Variants in TNRC6C observed in about 807,000 individuals in gnomAD.
TNRC6C encodes trinucleotide repeat-containing gene 6C protein.
In TNRC6C, 20 loss-of-function variants were observed where a neutral mutation model predicts 153.7. The observed-to-expected ratio is 0.13, with a 90% CI of 0.09 to 0.19. The LOEUF (loss-of-function observed/expected upper bound fraction) is 0.19, where lower values mean the gene tolerates loss of function less well. Among genes scored for constraint, TNRC6C ranks in the 10% least tolerant of loss-of-function variants. The pLI, the probability that TNRC6C is intolerant of heterozygous loss-of-function variation, is 1.00. For missense variants in TNRC6C, 1,987 were observed against 2,172.0 expected (o/e 0.91, Z 1.69); for synonymous variants, 811 against 841.4 (o/e 0.96, Z 0.63).
chr17:78,023,576 G>A lies in TNRC6C; in HGVS notation c.-545-7940G>A, dbSNP rs541998246. 6.6e-5 allele frequency among the ~76,000 whole-genome samples: 10 copies of A among 150,462 alleles called. No homozygotes were observed. In the South Asian group the frequency reaches 2.1e-3, roughly 32 times the overall value. On this transcript the variant is annotated intron_variant, in intron 1 of 19. Coordinates refer to ENST00000301624, the Ensembl canonical transcript of TNRC6C. ...ATCCCAGCACTTGAGAGGCTGAGGT[G>A]GATAGACTGCTTGAGTCCAGGGGTT...
At chr17:77,958,018 G>A (rs1416542423), upstream of TNRC6C, among the ~76,000 whole-genome samples, 1 of 152,134 alleles carries the variant, frequency 6.6e-6, no homozygotes, top group East Asian at 1.9e-4. Context: ...GCTCCCTGGG[G>A]AGCGACTGAG....
chr17:78,087,123 A>T (rs1375824931), intron 13 of TNRC6C, 30 bp downstream of exon 15: 5 of 1,607,864 alleles, frequency 3.1e-6, no homozygotes, highest in Non-Finnish European at 4.2e-6. Context: ...CAACAGCCAC[A>T]TCAGGTAGAG....
chr17:78,073,088 G>T, exon 7 of TNRC6C: 1 of 1,555,718 alleles, frequency 6.4e-7, no homozygotes. Flanking sequence ...TCTTGATCAG[G>T]CCATGAGTAA....
chr17:78,004,455 T>A (rs2071461839), upstream of TNRC6C, among the ~76,000 whole-genome samples: 1 of 152,204 alleles, frequency 6.6e-6, no homozygotes, highest in Admixed American at 6.5e-5. Context: ...ATGTCTAACT[T>A]GGAACTGGAA....
At chr17:77,981,546 A>G (rs1338161051) in intron 1 of TNRC6C, among the ~76,000 whole-genome samples, 2 of 152,238 alleles carry the variant, frequency 1.3e-5, no homozygotes, top group Admixed American at 6.5e-5. Context: ...ATATTTCACA[A>G]TATTACAAAG....
At chr17:77,989,683 C>T (rs1003907032) in intron 1 of TNRC6C, among the ~76,000 whole-genome samples, 1 of 152,214 alleles carries the variant, frequency 6.6e-6, no homozygotes, top group African/African-American at 2.4e-5. Flanking sequence ...CGTATCTTGT[C>T]AGTGGATATC....
At chr17:78,055,843 G>A (rs1414254471) in intron 3 of TNRC6C, among the ~76,000 whole-genome samples, 1 of 152,180 alleles carries the variant, frequency 6.6e-6, no homozygotes, top group East Asian at 1.9e-4. Context: ...AGACCTAGGA[G>A]ATTAAGTAGC....
chr17:77,985,366 G>A (rs1300069673), intron 1 of TNRC6C, among the ~76,000 whole-genome samples: 5 of 151,862 alleles, frequency 3.3e-5, no homozygotes, highest in East Asian at 1.9e-4. Context: ...AGGCCGAGGC[G>A]GGCGGATCAT....
chr17:77,975,434 A>G (rs2070985313), intron 1 of TNRC6C, among the ~76,000 whole-genome samples: 1 of 152,182 alleles, frequency 6.6e-6, no homozygotes, highest in Non-Finnish European at 1.5e-5. Flanking sequence ...GGAGGGAGAA[A>G]GAAGCCAAAT....
chr17:78,032,658 T>TA (rs1223394393), intron 2 of TNRC6C, among the ~76,000 whole-genome samples: 1 of 152,214 alleles, frequency 6.6e-6, no homozygotes, highest in Non-Finnish European at 1.5e-5. Context: ...TTAAGGTCTG[T>TA]AATTAGATGT....
chr17:78,061,922 A>G lies in TNRC6C; in HGVS notation c.2396-2800A>G, dbSNP rs551952957. ...ATCCTTAGTTTTGACTTAATTAAAT[A>G]ATTTGTAATACCTATTGCCTTCTCA... On this transcript the variant is annotated intron_variant, in intron 3 of 19. Coordinates refer to ENST00000301624, the Ensembl canonical transcript of TNRC6C. Among the ~76,000 whole-genome samples, 28 of 152,322 alleles carry G rather than the reference A, an allele frequency of 1.8e-4. 3 individuals are homozygous for G. The highest frequency in any genetic ancestry group is 6.7e-4 in the African/African-American group (28 of 41,578).
chr17:78,045,407 C>A (rs938847895), intron 2 of TNRC6C, among the ~76,000 whole-genome samples: 3 of 152,040 alleles, frequency 2.0e-5, no homozygotes, highest in Non-Finnish European at 4.4e-5. Flanking sequence ...TTGCTTCCTG[C>A]CAGTATTGCC....
rs983402236 is a variant in TNRC6C, at chr17:77,992,116, C to A, written c.-37-12054C>A. Among the ~76,000 whole-genome samples, 3 of 152,300 alleles carry A rather than the reference C, an allele frequency of 2.0e-5. No homozygotes were observed. In the South Asian group the frequency reaches 6.2e-4, roughly 32 times the overall value. ...TACCATTAGTTTTTCCAAAGACTGT[C>A]ACTTCACACTGTCTGCTGCCCTAGT... On this transcript the variant is annotated intron_variant, in intron 1 of 22. Coordinates refer to the TNRC6C transcript ENST00000636222.
intron 2 of TNRC6C, among the ~76,000 whole-genome samples, chr17:78,048,312 C>T (rs976070176): frequency 4.6e-5 from 7 of 152,086 alleles, no homozygotes; most frequent in Non-Finnish European, 7.4e-5. Flanking sequence ...TCTTTCCTTC[C>T]GTCACCACTT....
exon 3 of TNRC6C, chr17:78,050,787 A>G (rs1273102146): frequency 6.2e-7 from 1 of 1,608,872 alleles, no homozygotes; most frequent in Admixed American, 1.7e-5. Flanking sequence ...GTGAGCCTCC[A>G]AAGCCCAAAT....
intron 1 of TNRC6C, among the ~76,000 whole-genome samples, chr17:77,982,387 A>G (rs1236657748): frequency 6.6e-6 from 1 of 152,202 alleles, no homozygotes; most frequent in Non-Finnish European, 1.5e-5. Context: ...ATTCTTTCAT[A>G]GAACTTGAGT....
At chr17:77,992,664 C>T (rs1471629369) in intron 1 of TNRC6C, among the ~76,000 whole-genome samples, 2 of 152,162 alleles carry the variant, frequency 1.3e-5, no homozygotes, top group African/African-American at 4.8e-5. Context: ...TTAATAAAGC[C>T]TACCCTGGCA....
At chr17:78,091,404 G>C in intron 13 of TNRC6C, 36 bp from the exon 16 acceptor site, 2 of 1,529,474 alleles carry the variant, frequency 1.3e-6, no homozygotes, top group Non-Finnish European at 1.8e-6. Context: ...GTCATTTAGA[G>C]GAGCAGGCGA....
In TNRC6C at chr17:78,064,066, C is replaced by G. The variant is rs372498870; in HGVS notation, c.2396-656C>G. The stretch of plus-strand genomic sequence containing the variant: ...TTTTTTATTTTTTCATGTTTTGAGA[C>G]AGATTCTTGCTCTGTCGCCCAGGCT... On this transcript the variant is annotated intron_variant, in intron 3 of 19. Transcript: ENST00000301624. 7.2e-5 allele frequency among the ~76,000 whole-genome samples: 11 copies of G among 152,184 alleles called. No individual in the cohort carries two copies. In the East Asian group the frequency reaches 2.1e-3, roughly 29 times the overall value.
Sources: allele counts gnomAD v4.1 joint callset (sites outside exome capture counted in the v4.1 genomes callset), GRCh38; gene constraint gnomAD v4.1.1; transcripts MANE v1.5; gene names NCBI Gene and HGNC (gene_info 2026-07-23, HGNC 2026-07-21).